Variants in PRAM1 observed in about 807,000 individuals in gnomAD.
PRAM1 encodes PML-RARA regulated adaptor molecule 1, also known as PML-RARA-regulated adapter molecule 1.
Under a neutral mutation model 55.3 loss-of-function variants are expected in PRAM1, and 41 were observed. That is an observed-to-expected ratio of 0.74 (90% confidence interval 0.58 to 0.96). The LOEUF (loss-of-function observed/expected upper bound fraction) is 0.96, where lower values mean the gene tolerates loss of function less well. PRAM1 is among the 40% of genes least tolerant of loss of function. The pLI, the probability that PRAM1 is intolerant of heterozygous loss-of-function variation, is 0.00. For synonymous variants in PRAM1, 401 were observed against 387.1 expected (o/e 1.04, Z -0.42); for missense variants, 898 against 892.7 (o/e 1.01, Z -0.08).
Position 8,499,461 on chromosome 19 carries a change from G to A in PRAM1, c.347C>T (p.Pro116Leu). Reference sequence around the variant, plus strand: ...CAACTCCAGTTTGGACGGCTTCTTGGGGAGGTCAGTGACCTCAGGCGGCGG... The same window carrying A: ...CAACTCCAGTTTGGACGGCTTCTTGAGGAGGTCAGTGACCTCAGGCGGCGG... ...KPPPPEVTDL[P>L]KKPSKLELSD... Residue 116 changes from proline (P) to leucine (L), a missense_variant, in exon 2 of 10, where the codon CCC becomes CTC. This residue lies in a region of PRAM1 where 30 missense variants were observed against 44.6 expected (regional missense o/e 0.67). Coordinates refer to ENST00000423345, the MANE Select transcript of PRAM1 (RefSeq NM_032152.5). 6.2e-7 allele frequency: 1 copy of A among 1,611,584 alleles called. No individual in the cohort carries two copies.
rs201139615 is a variant in PRAM1 at position 8,498,586 on chromosome 19, G to C, written c.1222C>G (p.Pro408Ala). The C allele has an allele frequency of 5.0e-4, 810 of 1,612,526 alleles. No individual in the cohort carries two copies. The highest frequency in any genetic ancestry group is 6.3e-4 in the Non-Finnish European group (746 of 1,179,762). ...AGFSSRHPLS[P>A]GFGAAGTPRW... The stretch of plus-strand genomic sequence containing the variant: ...GGTGTCCCAGCCGCTCCAAACCCAG[G>C]GCTGAGCGGGTGCCGGGAGCTGAAG... The change falls in exon 2 of 10, where the codon CCT becomes GCT. Residue 408 changes from proline to alanine, a missense_variant. Pro to Ala is a conservative substitution (Grantham distance 27). This residue lies in a region of PRAM1 where 787 missense variants were observed against 735.4 expected (regional missense o/e 1.07). Transcript: ENST00000423345.
At chr19:8,494,932 C>CT (rs769996945) in intron 4 of PRAM1, among the ~76,000 whole-genome samples, 1,407 of 135,762 alleles carry the variant, frequency 0.01, 18 homozygotes, top group African/African-American at 0.032. Flanking sequence ...TGCGCCTGGC[C>CT]TTTTTTTTTT....
chr19:8,490,368 T>C lies in PRAM1; in HGVS notation c.1945A>G (p.Thr649Ala), dbSNP rs763659725. Residue 649 changes from threonine (T) to alanine (A), a missense_variant, in exon 9 of 10, where the codon ACG becomes GCG. Around this residue, in one of 4 missense-constraint regions of PRAM1, gnomAD observed 787 missense variants for 735.4 expected, o/e 1.07. Coordinates refer to ENST00000423345, the MANE Select transcript of PRAM1 (RefSeq NM_032152.5). This position sits in a 1 kb window ranked among gnomAD's most constrained non-coding sequence, Gnocchi z 7.3. The part of the protein sequence containing the change: ...VPRTALLPLE[T>A]EVYDDVDFCD... ...AAGTCGACATCATCGTACACCTCCG[T>C]CTCCCTGGCAGAGCACAGTTGGGTC... 2 of 1,613,850 alleles carry C rather than the reference T, an allele frequency of 1.2e-6. No homozygotes were observed. The highest frequency in any genetic ancestry group is 2.2e-5 in the East Asian group (1 of 44,860).
chr19:8,498,340 C>A (rs552813453), intron 2 of PRAM1, 36 bp downstream of exon 2: 2 of 1,592,382 alleles, frequency 1.3e-6, no homozygotes, highest in East Asian at 2.3e-5. Context: ...GGGACCTCAG[C>A]CCCCGCTCCT....
intron 1 of PRAM1, 113 bp from the exon 2 acceptor site, chr19:8,499,893 C>T (rs1188133103): frequency 1.1e-6 from 1 of 875,434 alleles, no homozygotes; most frequent in Non-Finnish European, 1.7e-6. Flanking sequence ...GCGCCCAGGC[C>T]CGGTCAGCCC....
At chr19:8,500,382 C>G (rs1412905139) in intron 1 of PRAM1, among the ~76,000 whole-genome samples, 1 of 152,090 alleles carries the variant, frequency 6.6e-6, no homozygotes, top group Admixed American at 6.6e-5. Context: ...CTGCCCTCCC[C>G]CAACCAATTG....
chr19:8,497,817 A>G lies in PRAM1; in HGVS notation c.1523T>C (p.Leu508Pro). 1 of 1,610,428 alleles carries G rather than the reference A, an allele frequency of 6.2e-7. No individual in the cohort carries two copies. The highest frequency in any genetic ancestry group is 2.2e-5 in the East Asian group (1 of 44,764). ...IPQVPDEIYE[L>P]YDDVEPRDDS... is the part of the protein sequence containing the mutation. ...ATCTCTGGGTTCCACATCGTCATAC[A>G]GCTCGTAGATCTCATCTGGGACCCT... is the stretch of plus-strand genomic sequence containing the variant. Residue 508 changes from leucine to proline, a missense_variant, in exon 4 of 10, where the codon CTG becomes CCG. Physicochemically the swap from Leu to Pro is moderately conservative, Grantham distance 98. Transcript: ENST00000423345.
chr19:8,502,026 A>C (rs539023398), intron 1 of PRAM1, among the ~76,000 whole-genome samples: 3 of 152,224 alleles, frequency 2.0e-5, no homozygotes, highest in Non-Finnish European at 4.4e-5. Context: ...CGTGTGCCTC[A>C]CTTTCCCCAT....
rs377529698 is a variant in PRAM1, at chr19:8,498,843, G to A, written c.965C>T (p.Pro322Leu). 1.2e-5 allele frequency: 19 copies of A among 1,604,984 alleles called. No individual in the cohort carries two copies. The highest frequency in any genetic ancestry group is 1.7e-4 in the Middle Eastern group (1 of 6,060). The change falls in exon 2 of 10, where the codon CCG (proline) becomes CTG (leucine). Residue 322 changes from proline to leucine, a missense_variant. Transcript: ENST00000423345. Reference protein sequence around the residue: ...AEFKALSKKPPQPELGGLPRT... With the variant: ...AEFKALSKKPLQPELGGLPRT... ...GGGGAGGCCGCCCAGCTCGGGCTGC[G>A]GGGGCTTCTTGGAGAGCGCTTTGAA...
Position 8,492,768 on chromosome 19 carries a change from G to A in PRAM1, c.1577-1611C>T, listed in dbSNP as rs567112746. 1.4e-3 allele frequency among the ~76,000 whole-genome samples: 210 copies of A among 152,096 alleles called. 1 individual carries two copies. Among genetic ancestry groups the A allele is most frequent in the African/African-American group, 4.7e-3 (196 of 41,520 alleles). On this transcript the variant is annotated intron_variant, in intron 4 of 9. Coordinates refer to ENST00000423345, the MANE Select transcript of PRAM1 (RefSeq NM_032152.5). Reference sequence around the variant, plus strand: ...TCCCAGCACTTTGGGAGGCCAAGTCGGGCAGATCACTTGAGGTCAGGAGTT... The same window carrying A: ...TCCCAGCACTTTGGGAGGCCAAGTCAGGCAGATCACTTGAGGTCAGGAGTT...
intron 1 of PRAM1, among the ~76,000 whole-genome samples, chr19:8,500,814 G>A (rs1568318768): frequency 6.6e-6 from 1 of 152,098 alleles, no homozygotes; most frequent in East Asian, 1.9e-4. Flanking sequence ...CACCCAGACT[G>A]GAGTGCAATG....
At chr19:8,496,072 G>A in intron 4 of PRAM1, 1 of 456,066 alleles carries the variant, frequency 2.2e-6, no homozygotes, top group South Asian at 1.5e-5. Flanking sequence ...CTGAGTTTCA[G>A]GCCCAAGTTC....
chr19:8,490,612 G>A lies in PRAM1; in HGVS notation c.1888C>T (p.Arg630Trp), dbSNP rs368103328. Residue 630 changes from arginine (R) to tryptophan (W), a missense_variant, in exon 7 of 10, where the codon CGG becomes TGG. Physicochemically the swap from Arg to Trp is moderately radical, Grantham distance 101 (BLOSUM62 -3). Around this residue, in one of 4 missense-constraint regions of PRAM1, gnomAD observed 787 missense variants for 735.4 expected, o/e 1.07. Transcript: ENST00000423345. The surrounding 1 kb of genome is among the most constrained non-coding windows in gnomAD (Gnocchi z 7.3). ...CACTCACATTTGCCTTTGGGGTCCC[G>A]GCACAGCATCTCCTCATTGCTGGTG... ...EFTSNEEMLC[R>W]DPKGKYGYVP... 5 of 1,584,196 alleles carry A rather than the reference G, an allele frequency of 3.2e-6. No individual in the cohort carries two copies. Among genetic ancestry groups the A allele is most frequent in the East Asian group, 2.3e-5 (1 of 43,138 alleles).
At position 8,499,131 on chromosome 19, in the gene PRAM1, T is replaced by C. The variant is rs771958277; in HGVS notation, c.677A>G (p.Lys226Arg). 7 of 1,612,392 alleles carry C rather than the reference T, an allele frequency of 4.3e-6. No individual in the cohort carries two copies. The South Asian group carries it at 5.5e-5, about 13-fold the overall frequency. The part of the protein sequence containing the change: ...PAQPEFNVYP[K>R]KPPQPQVGGL... ...ACCGACCTGAGGCTGCGGAGGCTTT[T>C]TGGGGTACACGTTGAACTCAGGCTG... Residue 226 changes from lysine (K) to arginine (R), a missense_variant, in exon 2 of 10, where the codon AAA becomes AGA. This residue lies in a region of PRAM1 where 787 missense variants were observed against 735.4 expected (regional missense o/e 1.07). Coordinates refer to ENST00000423345, the MANE Select transcript of PRAM1 (RefSeq NM_032152.5).
chr19:8,498,338 A>G (rs1971731350), intron 2 of PRAM1, 38 bp downstream of exon 2: 1 of 1,592,476 alleles, frequency 6.3e-7, no homozygotes, highest in Non-Finnish European at 8.5e-7. Context: ...CTGGGACCTC[A>G]GCCCCCGCTC....
intron 4 of PRAM1, chr19:8,496,005 C>T (rs895926539): frequency 2.2e-6 from 1 of 453,490 alleles, no homozygotes; most frequent in Non-Finnish European, 4.4e-6. Flanking sequence ...TCTAAGAAAC[C>T]TTTGGCAGCC....
Position 8,499,436 on chromosome 19 carries a change from C to G in PRAM1, c.372G>C (p.Leu124Phe), listed in dbSNP as rs762308315. 6.2e-7 allele frequency: 1 copy of G among 1,609,818 alleles called. No individual in the cohort carries two copies. The highest frequency in any genetic ancestry group is 8.5e-7 in the Non-Finnish European group (1 of 1,179,448). ...GTGGGAACTTCTTGGAGAGGTCACT[C>G]AACTCCAGTTTGGACGGCTTCTTGG... Reference protein sequence around the residue: ...DLPKKPSKLELSDLSKKFPQL... With the variant: ...DLPKKPSKLEFSDLSKKFPQL... Residue 124 changes from leucine (L) to phenylalanine (F), a missense_variant, in exon 2 of 10, where the codon TTG becomes TTC. By Grantham distance (22) the Leu-to-Phe change is conservative. This residue lies in a region of PRAM1 where 30 missense variants were observed against 44.6 expected (regional missense o/e 0.67). Coordinates refer to ENST00000423345, the MANE Select transcript of PRAM1 (RefSeq NM_032152.5).
intron 1 of PRAM1, among the ~76,000 whole-genome samples, chr19:8,500,522 C>T (rs1049901423): frequency 6.6e-6 from 1 of 152,104 alleles, no homozygotes; most frequent in Non-Finnish European, 1.5e-5. Flanking sequence ...GCTCAAAACT[C>T]GGCAATGCTT....
chr19:8,499,082 C>A lies in PRAM1; in HGVS notation c.726G>T (p.Pro242=). 1.9e-6 allele frequency: 3 copies of A among 1,613,798 alleles called. No individual in the cohort carries two copies. In the African/African-American group the frequency reaches 4.0e-5, roughly 22 times the overall value. The change falls in exon 2 of 10, where the codon CCG becomes CCT. Residue 242 remains proline (P), a synonymous_variant. Coordinates refer to ENST00000423345, the MANE Select transcript of PRAM1 (RefSeq NM_032152.5). ...QVGGLPKKSV[P]QPEFSEAAQT... The stretch of plus-strand genomic sequence containing the variant: ...GAGCGGCCTCGCTGAACTCAGGCTG[C>A]GGCACGGACTTCTTAGGGAGGCCAC...
Sources: gnomAD v4.1 joint callset for allele counts (sites outside exome capture counted in the v4.1 genomes callset) on GRCh38, gnomAD v4.1.1 for gene constraint, gnomAD v4.1.1 regional missense constraint, Gnocchi (gnomAD v3.1) non-coding constraint, MANE v1.5 for transcripts, NCBI Gene and HGNC (gene_info 2026-07-23, HGNC 2026-07-21) for gene names.